Variants in CRTAC1 observed in about 807,000 individuals in gnomAD.
CRTAC1 encodes the protein cartilage acidic protein 1, also known as acidic secreted protein in cartilage.
A neutral mutation model predicts 67.8 loss-of-function variants in CRTAC1; 37 were observed. The ratio of observed to expected loss-of-function variants is 0.55; its 90% CI spans 0.42 to 0.72. The LOEUF (loss-of-function observed/expected upper bound fraction) is 0.72, where lower values mean the gene tolerates loss of function less well. Ranked by LOEUF, CRTAC1 falls within the 30% of genes least tolerant of loss-of-function variation. CRTAC1 has a pLI of 0.00. For synonymous variants in CRTAC1, 348 were observed against 371.0 expected (o/e 0.94, Z 0.71); for missense variants, 780 against 931.6 (o/e 0.84, Z 2.12).
intron 2 of CRTAC1, among the ~76,000 whole-genome samples, chr10:97,942,561 C>T (rs1020963015): frequency 3.3e-5 from 5 of 152,066 alleles, no homozygotes; most frequent in South Asian, 4.1e-4. Flanking sequence ...TGAAAAAAAT[C>T]GCTTAGGGAG....
chr10:97,991,916 T>C (rs995937103), intron 2 of CRTAC1, among the ~76,000 whole-genome samples: 3 of 152,242 alleles, frequency 2.0e-5, no homozygotes, highest in Non-Finnish European at 2.9e-5. Context: ...TTGACATTAA[T>C]ACATTGTCTA....
intron 1 of CRTAC1, among the ~76,000 whole-genome samples, chr10:98,017,195 T>C (rs897866975): frequency 2.0e-5 from 3 of 152,192 alleles, no homozygotes; most frequent in African/African-American, 7.2e-5. Context: ...CAGTACTCCA[T>C]GCAGAGATGT....
intron 2 of CRTAC1, among the ~76,000 whole-genome samples, chr10:97,967,006 C>T (rs1202724105): frequency 3.8e-5 from 5 of 130,410 alleles, no homozygotes; most frequent in East Asian, 2.8e-4. Context: ...CCCCCCCCCC[C>T]GACATCCTAC....
rs147943069 is a variant in CRTAC1 at position 98,007,462 on chromosome 10, G to A, written c.224+3676C>T. ...AAATTAGAATGTGTCTTTCTGATGC[G>A]CTGAGAATTCGCAATGCTTCACAAC... On this transcript the variant is annotated intron_variant, in intron 2 of 14. Coordinates refer to ENST00000370597, the MANE Select transcript of CRTAC1 (RefSeq NM_018058.7). Among the ~76,000 whole-genome samples, 13 of 152,290 alleles carry A rather than the reference G, an allele frequency of 8.5e-5. No homozygotes were observed. The East Asian group carries it at 1.7e-3, about 20-fold the overall frequency.
At chr10:97,936,492 C>G in intron 2 of CRTAC1, 126 bp from the exon 3 acceptor site, 1 of 690,196 alleles carries the variant, frequency 1.4e-6, no homozygotes, top group Non-Finnish European at 2.4e-6. Flanking sequence ...CTGGAGTGTT[C>G]CCAGGGAACA....
At chr10:98,023,666 G>A (rs1464287263) in intron 1 of CRTAC1, among the ~76,000 whole-genome samples, 1 of 152,216 alleles carries the variant, frequency 6.6e-6, no homozygotes, top group African/African-American at 2.4e-5. Context: ...CCCCTTAGAG[G>A]AAGAGACTGC....
At chr10:97,991,099 C>CAAAAAAAAAAAAAAA (rs757267901) in intron 2 of CRTAC1, among the ~76,000 whole-genome samples, 10 of 17,978 alleles carry the variant, frequency 5.6e-4, no homozygotes, top group East Asian at 1.5e-3. Context: ...ACCATCTCTA[C>CAAAAAAAAAAAAAAA]AAAAAAAAAA....
chr10:97,903,920 G>T (rs1475501634), intron 7 of CRTAC1, among the ~76,000 whole-genome samples: 1 of 152,092 alleles, frequency 6.6e-6, no homozygotes, highest in Non-Finnish European at 1.5e-5. Context: ...CAGCTGTTGG[G>T]AACTCCGTGG....
chr10:97,938,397 A>G (rs1034281244), intron 2 of CRTAC1, among the ~76,000 whole-genome samples: 4 of 152,168 alleles, frequency 2.6e-5, no homozygotes, highest in Non-Finnish European at 5.9e-5. Flanking sequence ...TGGCCTTGTT[A>G]AAAGCACCCT....
chr10:97,933,276 A>G (rs547737148), intron 3 of CRTAC1, among the ~76,000 whole-genome samples: 24 of 152,374 alleles, frequency 1.6e-4, no homozygotes, highest in African/African-American at 5.5e-4. Flanking sequence ...CAAGGTCAAC[A>G]GCACTGAGGC....
Position 97,880,388 on chromosome 10 carries a change from G to A in CRTAC1, c.1680C>T (p.Thr560=). The part of the protein sequence containing the change: ...SQQENGHCMD[T]NECIQFPFVC... ...CGAATGGGAACTGGATGCATTCATT[G>A]GTGTCTGCAAGGCGAGGGGAACCAC... The change falls in exon 14 of 15, where the codon ACC becomes ACT. Residue 560 remains threonine (T), a synonymous_variant. Coordinates refer to ENST00000370597, the MANE Select transcript of CRTAC1 (RefSeq NM_018058.7). 6.2e-7 allele frequency: 1 copy of A among 1,613,448 alleles called. No homozygotes were observed. Among genetic ancestry groups the A allele is most frequent in the African/African-American group, 1.3e-5 (1 of 75,056 alleles).
At chr10:97,890,743 C>T (rs193088078) in intron 11 of CRTAC1, among the ~76,000 whole-genome samples, 1 of 151,952 alleles carries the variant, frequency 6.6e-6, no homozygotes, top group African/African-American at 2.4e-5. Flanking sequence ...TCTTGCCTCA[C>T]CGTAACCTCT....
At chr10:97,947,874 G>A (rs2051289419) in intron 2 of CRTAC1, among the ~76,000 whole-genome samples, 1 of 152,126 alleles carries the variant, frequency 6.6e-6, no homozygotes, top group South Asian at 2.1e-4. Context: ...GCAAAATAGT[G>A]AGACCTCATC....
At chr10:97,944,416 G>A (rs1258629608) in intron 2 of CRTAC1, among the ~76,000 whole-genome samples, 1 of 150,638 alleles carries the variant, frequency 6.6e-6, no homozygotes, top group Non-Finnish European at 1.5e-5. Flanking sequence ...TGGGCAACAA[G>A]AGTGAAACTC....
At chr10:97,918,453 C>T (rs2050789862) in intron 4 of CRTAC1, among the ~76,000 whole-genome samples, 1 of 152,212 alleles carries the variant, frequency 6.6e-6, no homozygotes, top group African/African-American at 2.4e-5. Flanking sequence ...AAGAGATCCA[C>T]ACACTTTCTA....
intron 8 of CRTAC1, among the ~76,000 whole-genome samples, chr10:97,897,213 C>T (rs1259336848): frequency 2.0e-5 from 3 of 152,188 alleles, no homozygotes; most frequent in Admixed American, 6.5e-5. Flanking sequence ...ATTTTTCCTT[C>T]TCTAATGGAT....
At chr10:98,028,726 G>A (rs183091900) in intron 1 of CRTAC1, among the ~76,000 whole-genome samples, 1 of 152,318 alleles carries the variant, frequency 6.6e-6, no homozygotes, top group East Asian at 1.9e-4. Context: ...CTTGGGAAAT[G>A]CAGCAGAAAA....
chr10:98,010,349 T>C (rs996144587), intron 2 of CRTAC1, among the ~76,000 whole-genome samples: 4 of 152,156 alleles, frequency 2.6e-5, no homozygotes, highest in Non-Finnish European at 5.9e-5. Flanking sequence ...CCTCAATGCA[T>C]AATAATTATC....
In CRTAC1 at chr10:98,024,746, C is replaced by CTTT. The variant is rs749919406; in HGVS notation, c.24+5700_24+5702dup. Among the ~76,000 whole-genome samples the CTTT allele has an allele frequency of 4.3e-4, 28 of 65,050 alleles. 3 individuals are homozygous for CTTT. The highest frequency in any genetic ancestry group is 5.3e-4 in the African/African-American group (10 of 18,804). The allele number at this position is 65,050 out of a possible 152,430, so 42.7% of individuals were successfully genotyped here. ...CTCTAAAGAGAATGATTATATTATC[C>CTTT]TTTTTTTTTTTTTTTTTTTTTTTTT... On this transcript the variant is annotated intron_variant, in intron 1 of 14. Transcript: ENST00000370597.
Sources: gnomAD v4.1 joint callset for allele counts (sites outside exome capture counted in the v4.1 genomes callset) on GRCh38, gnomAD v4.1.1 for gene constraint, MANE v1.5 for transcripts, NCBI Gene and HGNC (gene_info 2026-07-23, HGNC 2026-07-21) for gene names.